The following LOC400499 variants were observed in gnomAD, a reference collection of about 807,000 sequenced individuals.
the LOC400499 span, chr16:11,477,758 G>A: frequency 1.6e-4 from 63 of 397,994 alleles, no homozygotes; most frequent in Non-Finnish European, 2.7e-4. Context: ...CCAGGCCTCT[G>A]CAGCCCTCTG....
the LOC400499 span, among the ~76,000 whole-genome samples, chr16:11,390,616 G>C: frequency 1.3e-5 from 2 of 152,240 alleles, no homozygotes; most frequent in Admixed American, 1.3e-4. Context: ...TGGCACTGGA[G>C]ATTGCAGGGG....
chr16:11,475,086 C>T, the LOC400499 span, among the ~76,000 whole-genome samples: 1 of 152,144 alleles, frequency 6.6e-6, no homozygotes, highest in African/African-American at 2.4e-5. Context: ...CTATTCCCTT[C>T]CCTGCTCCTT....
the LOC400499 span, among the ~76,000 whole-genome samples, chr16:11,418,842 T>G: frequency 1.1e-4 from 16 of 152,324 alleles, no homozygotes. Context: ...TGTAATTCCC[T>G]CCCATGCCAC....
At chr16:11,392,257 G>A in the LOC400499 span, 306 of 398,970 alleles carry the variant, frequency 7.7e-4, 1 homozygote, top group Non-Finnish European at 1.2e-3. Context: ...TGGCACGGGG[G>A]CCTCTGCCCA....
the LOC400499 span, among the ~76,000 whole-genome samples, chr16:11,432,517 G>A: frequency 2.6e-5 from 4 of 152,212 alleles, no homozygotes; most frequent in African/African-American, 9.6e-5. Context: ...AGTACCTAAA[G>A]CATAGGGTTG....
At chr16:11,444,256 G>T in the LOC400499 span, among the ~76,000 whole-genome samples, 1 of 152,104 alleles carries the variant, frequency 6.6e-6, no homozygotes, top group Non-Finnish European at 1.5e-5. Context: ...AAATGAGCTG[G>T]GTGTGGTGGT....
At chr16:11,471,655 T>C in the LOC400499 span, 1 of 399,066 alleles carries the variant, frequency 2.5e-6, no homozygotes, top group Admixed American at 4.4e-5. Flanking sequence ...AGGGCCCACC[T>C]GGGGCTGCAG....
the LOC400499 span, chr16:11,462,102 G>C: frequency 3.4e-6 from 5 of 1,478,320 alleles, no homozygotes; most frequent in East Asian, 2.5e-5. Flanking sequence ...GGACAGAAGG[G>C]GTCTCATCTC....
chr16:11,484,253 T>C, the LOC400499 span, among the ~76,000 whole-genome samples: 12 of 152,040 alleles, frequency 7.9e-5, no homozygotes, highest in East Asian at 2.3e-3. Context: ...GTGATCCGCC[T>C]GCCTCGGCCT....
At chr16:11,372,707 C>T in the LOC400499 span, 3 of 975,484 alleles carry the variant, frequency 3.1e-6, no homozygotes, top group South Asian at 4.7e-5. Context: ...TGAAGTCTGG[C>T]AGCCTAGTGC....
chr16:11,476,454 T>G, the LOC400499 span, among the ~76,000 whole-genome samples: 2 of 151,918 alleles, frequency 1.3e-5, no homozygotes, highest in African/African-American at 4.8e-5. Context: ...CAGACACACA[T>G]GCTCGTGGAC....
At chr16:11,373,070 C>G in the LOC400499 span, among the ~76,000 whole-genome samples, 301 of 152,358 alleles carry the variant, frequency 2.0e-3, 1 homozygote, top group African/African-American at 6.7e-3. Context: ...AGACATAGTT[C>G]CTAGCCAAGG....
chr16:11,447,766 C>T, the LOC400499 span, among the ~76,000 whole-genome samples: 2 of 152,204 alleles, frequency 1.3e-5, no homozygotes, highest in Admixed American at 1.3e-4. Flanking sequence ...GATGTGGGAG[C>T]TTTCAGGGGA....
At chr16:11,452,180 G>T in the LOC400499 span, among the ~76,000 whole-genome samples, 1 of 146,706 alleles carries the variant, frequency 6.8e-6, no homozygotes, top group African/African-American at 2.5e-5. Flanking sequence ...CAGAACATCT[G>T]TCTGGTTGCT....
the LOC400499 span, among the ~76,000 whole-genome samples, chr16:11,401,837 C>T: frequency 2.6e-5 from 4 of 152,248 alleles, no homozygotes; most frequent in South Asian, 2.1e-4. Flanking sequence ...CCGTCACTGC[C>T]GTGGCTGTCA....
the LOC400499 span, among the ~76,000 whole-genome samples, chr16:11,481,763 T>C: frequency 6.6e-6 from 1 of 152,058 alleles, no homozygotes; most frequent in Non-Finnish European, 1.5e-5. Flanking sequence ...CTCCAGAATA[T>C]CTGGTATTAC....
the LOC400499 span, among the ~76,000 whole-genome samples, chr16:11,378,241 CT>C: frequency 2.6e-5 from 3 of 115,728 alleles, no homozygotes; most frequent in East Asian, 2.3e-4. Context: ...CTGGCTGCTG[CT>C]TTTTTTTTCT....
the LOC400499 span, among the ~76,000 whole-genome samples, chr16:11,417,399 A>G: frequency 6.6e-6 from 1 of 152,116 alleles, no homozygotes; most frequent in Non-Finnish European, 1.5e-5. Context: ...TAAGATTTCT[A>G]TGTTTTAAGC....
the LOC400499 span, among the ~76,000 whole-genome samples, chr16:11,419,673 A>C: frequency 6.0e-4 from 91 of 152,318 alleles, no homozygotes; most frequent in African/African-American, 2.0e-3. Context: ...CAACCTCCAA[A>C]ATGGGAGAAA....
Sources: gnomAD v4.1 joint callset for allele counts (sites outside exome capture counted in the v4.1 genomes callset) on GRCh38, gnomAD v4.1.1 for gene constraint, MANE v1.5 for transcripts.